DSCAM: variants seen among roughly 807,000 people sequenced by gnomAD.
DSCAM encodes cell adhesion molecule DSCAM.
In DSCAM, 47 loss-of-function variants were observed where a neutral mutation model predicts 217.7. That is an observed-to-expected ratio of 0.22 (90% CI 0.17 to 0.28). The LOEUF (loss-of-function observed/expected upper bound fraction) is 0.28. Among genes scored for constraint, DSCAM ranks in the 10% least tolerant of loss-of-function variants. DSCAM has a pLI of 1.00. For missense variants in DSCAM, 2,080 were observed against 2,618.3 expected (o/e 0.79, Z 4.49); for synonymous variants, 1,056 against 1,015.3 (o/e 1.04, Z -0.76).
chr21:40,478,579 A>C (rs2075956683), intron 3 of DSCAM, among the ~76,000 whole-genome samples: 1 of 152,236 alleles, frequency 6.6e-6, no homozygotes, highest in Non-Finnish European at 1.5e-5. Context: ...ATCCTAAAAA[A>C]TCAGTTCTTG....
At chr21:40,352,098 T>A (rs977877650) in intron 5 of DSCAM, among the ~76,000 whole-genome samples, 1 of 152,190 alleles carries the variant, frequency 6.6e-6, no homozygotes, top group African/African-American at 2.4e-5. Flanking sequence ...CCTTGCACAG[T>A]AGGATGTAAA....
At chr21:40,253,770 G>T (rs1291448044) in intron 11 of DSCAM, among the ~76,000 whole-genome samples, 1 of 152,266 alleles carries the variant, frequency 6.6e-6, no homozygotes, top group African/African-American at 2.4e-5. Flanking sequence ...GATCCACAAG[G>T]CTGGAAGCTC....
chr21:40,526,627 G>A (rs2076402929), intron 3 of DSCAM, among the ~76,000 whole-genome samples: 1 of 152,070 alleles, frequency 6.6e-6, no homozygotes, highest in Admixed American at 6.6e-5. Context: ...CTTCGGGCTG[G>A]CCAGGAACTT....
chr21:40,293,098 T>C (rs1033185755), intron 10 of DSCAM, among the ~76,000 whole-genome samples: 1 of 152,180 alleles, frequency 6.6e-6, no homozygotes, highest in Non-Finnish European at 1.5e-5. Context: ...TCAACAATAG[T>C]GTTGGAGATA....
At chr21:40,351,742 T>C (rs1249698071) in intron 5 of DSCAM, among the ~76,000 whole-genome samples, 1 of 151,908 alleles carries the variant, frequency 6.6e-6, no homozygotes, top group East Asian at 1.9e-4. Context: ...ATGATAAAAA[T>C]AAGCACATTA....
chr21:40,081,861 C>T (rs2089467037), intron 24 of DSCAM, among the ~76,000 whole-genome samples: 2 of 152,192 alleles, frequency 1.3e-5, no homozygotes, highest in Admixed American at 1.3e-4. Context: ...CTCTCCCTCA[C>T]TAAAACTGGC....
rs566251052 is a variant in DSCAM, at chr21:40,787,259, T to C, written c.43+59360A>G. Reference sequence around the variant, plus strand: ...CAGAAGAGCACAAAACAATTTAAGGTTTTTTCCCAGACCTGAGATATCAAT... The same window carrying C: ...CAGAAGAGCACAAAACAATTTAAGGCTTTTTCCCAGACCTGAGATATCAAT... On this transcript the variant is annotated intron_variant, in intron 1 of 32. Transcript: ENST00000400454. Among the ~76,000 whole-genome samples the C allele has an allele frequency of 1.3e-4, 20 of 152,164 alleles. No individual in the cohort carries two copies. The South Asian group carries it at 4.2e-3, about 32-fold the overall frequency.
intron 3 of DSCAM, among the ~76,000 whole-genome samples, chr21:40,625,291 G>A (rs1194420179): frequency 1.3e-5 from 2 of 152,048 alleles, no homozygotes; most frequent in Non-Finnish European, 1.5e-5. Flanking sequence ...AAAGATCTTG[G>A]GGAATAAGAG....
chr21:40,153,331 C>T (rs543385566), intron 16 of DSCAM, among the ~76,000 whole-genome samples: 1 of 152,310 alleles, frequency 6.6e-6, no homozygotes, highest in South Asian at 2.1e-4. Context: ...GCCCAGAGTA[C>T]TATGGAGGGG....
intron 3 of DSCAM, among the ~76,000 whole-genome samples, chr21:40,610,522 T>C (rs2146277476): frequency 6.6e-6 from 1 of 152,322 alleles, no homozygotes; most frequent in Admixed American, 6.5e-5. Context: ...TATACGACTT[T>C]ATGTGTGGGG....
intron 3 of DSCAM, among the ~76,000 whole-genome samples, chr21:40,498,781 GTA>G (rs1166919235): frequency 0.03 from 765 of 25,700 alleles, 15 homozygotes; most frequent in South Asian, 0.053. Context: ...ATATGGGTGT[GTA>G]TATATATATA....
chr21:40,834,824 C>T (rs1008644169), intron 1 of DSCAM, among the ~76,000 whole-genome samples: 2 of 152,232 alleles, frequency 1.3e-5, no homozygotes, highest in African/African-American at 4.8e-5. Flanking sequence ...TCCACTCTCA[C>T]TGAGCACATG....
chr21:40,303,958 T>C (rs541633262), intron 9 of DSCAM, among the ~76,000 whole-genome samples: 2 of 152,300 alleles, frequency 1.3e-5, no homozygotes, highest in South Asian at 2.1e-4. Context: ...GTGAGTGGTC[T>C]AGAGACCACA....
chr21:40,310,705 C>A (rs1411711639), intron 9 of DSCAM, among the ~76,000 whole-genome samples: 1 of 152,166 alleles, frequency 6.6e-6, no homozygotes, highest in Non-Finnish European at 1.5e-5. Flanking sequence ...ATATAGAAAG[C>A]AGGCTGATGT....
intron 3 of DSCAM, among the ~76,000 whole-genome samples, chr21:40,398,257 C>T (rs1318082930): frequency 6.6e-6 from 1 of 152,148 alleles, no homozygotes; most frequent in East Asian, 1.9e-4. Context: ...CTCAGTTATT[C>T]TGAGCATCCT....
At chr21:40,749,608 C>T (rs189962704) in intron 1 of DSCAM, among the ~76,000 whole-genome samples, 39 of 152,250 alleles carry the variant, frequency 2.6e-4, no homozygotes, top group Admixed American at 7.2e-4. Flanking sequence ...AAAGAGAGCT[C>T]TTCCACGCTG....
intron 1 of DSCAM, among the ~76,000 whole-genome samples, chr21:40,797,083 A>G (rs1479281269): frequency 6.6e-6 from 1 of 152,220 alleles, no homozygotes; most frequent in Non-Finnish European, 1.5e-5. Context: ...TAGCATGTTC[A>G]TTGAACAAAT....
chr21:40,216,379 T>C (rs1402094257), intron 11 of DSCAM, among the ~76,000 whole-genome samples: 3 of 151,872 alleles, frequency 2.0e-5, no homozygotes, highest in African/African-American at 7.3e-5. Context: ...CTCCCAAAGC[T>C]CTGGGATTTC....
At position 40,467,930 on chromosome 21, in the gene DSCAM, C is replaced by CAAAAAA. The variant is rs56379350; in HGVS notation, c.509-98691_509-98686dup. ...AAATAAGATAGCTACAAAGATTAAC[C>CAAAAAA]AAAAAAAAAAAAAAAAAAAAACTAC... On this transcript the variant is annotated intron_variant, in intron 3 of 32. Coordinates refer to ENST00000400454, the MANE Select transcript of DSCAM (RefSeq NM_001389.5). 6.3e-3 allele frequency among the ~76,000 whole-genome samples: 529 copies of CAAAAAA among 84,250 alleles called. 3 individuals carry two copies. The highest frequency in any genetic ancestry group is 0.017 in the African/African-American group (371 of 21,532). The allele number at this position is 84,250 out of a possible 152,430, so 55.3% of individuals were successfully genotyped here.
Sources: allele counts gnomAD v4.1 joint callset (sites outside exome capture counted in the v4.1 genomes callset), GRCh38; gene constraint gnomAD v4.1.1; transcripts MANE v1.5; gene names NCBI Gene and HGNC (gene_info 2026-07-23, HGNC 2026-07-21).